HDAC9: variants seen among roughly 807,000 people sequenced by gnomAD.
HDAC9 encodes MEF-2 interacting transcription repressor (MITR) protein.
HDAC9 carries 41 observed loss-of-function variants against 139.4 expected under a neutral mutation model. The observed-to-expected ratio is 0.29, with a 90% CI of 0.23 to 0.38. HDAC9 has a LOEUF of 0.38. Among genes scored for constraint, HDAC9 ranks in the 10% least tolerant of loss-of-function variants. HDAC9 has a pLI of 1.00. For synonymous variants in HDAC9, 517 were observed against 476.2 expected (o/e 1.09, Z -1.12); for missense variants, 1,147 against 1,297.0 (o/e 0.88, Z 1.78).
chr7:18,322,918 G>T (rs745973723), intron 1 of HDAC9, among the ~76,000 whole-genome samples: 4 of 152,160 alleles, frequency 2.6e-5, no homozygotes, highest in Non-Finnish European at 5.9e-5. Flanking sequence ...GGGCTGGGAA[G>T]TTGGCTTGGG....
intron 1 of HDAC9, among the ~76,000 whole-genome samples, chr7:18,136,480 A>G (rs1278222349): frequency 2.6e-5 from 4 of 152,266 alleles, no homozygotes; most frequent in East Asian, 3.9e-4. Context: ...TGATTTTTGT[A>G]TAAGGTGGAA....
chr7:18,956,245 C>T (rs1344268677), intron 24 of HDAC9, among the ~76,000 whole-genome samples: 2 of 152,106 alleles, frequency 1.3e-5, no homozygotes, highest in Admixed American at 1.3e-4. Flanking sequence ...ATGAGTACCC[C>T]ACCCAGCTTG....
chr7:18,901,745 T>A (rs954303234), intron 22 of HDAC9, among the ~76,000 whole-genome samples: 1 of 152,126 alleles, frequency 6.6e-6, no homozygotes, highest in Non-Finnish European at 1.5e-5. Flanking sequence ...TCATAACTTA[T>A]CTTATTTAAT....
At chr7:18,933,693 C>G (rs779074077) in intron 22 of HDAC9, among the ~76,000 whole-genome samples, 2 of 151,854 alleles carry the variant, frequency 1.3e-5, no homozygotes, top group East Asian at 1.9e-4. Flanking sequence ...TCAGCAGAAA[C>G]AACAGAGAGC....
chr7:18,352,634 G>A (rs1782936554), intron 1 of HDAC9, among the ~76,000 whole-genome samples: 1 of 151,952 alleles, frequency 6.6e-6, no homozygotes, highest in Non-Finnish European at 1.5e-5. Context: ...CAAAGGGAAC[G>A]TAAAGGTGAA....
chr7:18,170,798 G>T (rs6958800), intron 2 of HDAC9, among the ~76,000 whole-genome samples: 1,542 of 152,190 alleles, frequency 0.01, 28 homozygotes, highest in African/African-American at 0.035. Context: ...CTGTTCCATT[G>T]TTCTATATCT....
intron 1 of HDAC9, among the ~76,000 whole-genome samples, chr7:18,302,746 G>A (rs996442170): frequency 6.6e-6 from 1 of 152,168 alleles, no homozygotes. Flanking sequence ...AAACCTTCTA[G>A]AAGGCATAGA....
intron 1 of HDAC9, among the ~76,000 whole-genome samples, chr7:18,422,905 G>A (rs1789774553): frequency 6.6e-6 from 1 of 152,114 alleles, no homozygotes; most frequent in South Asian, 2.1e-4. Context: ...TTTGCATATG[G>A]AGAGGTTAGG....
intron 8 of HDAC9, among the ~76,000 whole-genome samples, chr7:18,636,094 G>A (rs1056757054): frequency 1.3e-5 from 2 of 152,030 alleles, no homozygotes; most frequent in Non-Finnish European, 2.9e-5. Context: ...TTTGCTCTAG[G>A]CACATTTGCA....
intron 22 of HDAC9, among the ~76,000 whole-genome samples, chr7:18,924,776 G>T (rs938310344): frequency 6.6e-6 from 1 of 152,050 alleles, no homozygotes; most frequent in Non-Finnish European, 1.5e-5. Context: ...TTGTGTGTCA[G>T]GTACTATGCT....
At chr7:18,858,427 A>C (rs1415558749) in intron 21 of HDAC9, among the ~76,000 whole-genome samples, 1 of 152,066 alleles carries the variant, frequency 6.6e-6, no homozygotes, top group Admixed American at 6.6e-5. Flanking sequence ...CCCTTATAAA[A>C]CCGTCAGCTC....
chr7:18,883,163 T>A (rs572344791), intron 22 of HDAC9, among the ~76,000 whole-genome samples: 164 of 152,286 alleles, frequency 1.1e-3, no homozygotes, highest in African/African-American at 3.9e-3. Context: ...GTTCTGCTCT[T>A]AACATTATGA....
At chr7:18,908,341 TATTAA>T (rs908214917) in intron 22 of HDAC9, among the ~76,000 whole-genome samples, 15 of 152,142 alleles carry the variant, frequency 9.9e-5, no homozygotes, top group Non-Finnish European at 1.6e-4. Flanking sequence ...AATGTGTGAT[TATTAA>T]ATTAACATAT....
intron 1 of HDAC9, among the ~76,000 whole-genome samples, chr7:18,309,063 A>G (rs552818651): frequency 2.4e-4 from 36 of 151,502 alleles, no homozygotes; most frequent in African/African-American, 8.7e-4. Context: ...AAGTCAATCC[A>G]TATTACCCAC....
chr7:18,239,557 G>A (rs936667615), intron 2 of HDAC9, among the ~76,000 whole-genome samples: 5 of 152,228 alleles, frequency 3.3e-5, no homozygotes, highest in East Asian at 3.9e-4. Context: ...GTAGATCAGC[G>A]TCATTGACAA....
At chr7:18,702,151 A>G (rs2129105631) in intron 12 of HDAC9, among the ~76,000 whole-genome samples, 1 of 152,288 alleles carries the variant, frequency 6.6e-6, no homozygotes, top group East Asian at 1.9e-4. Context: ...GTGAAAAGGG[A>G]CAGGCTGTCG....
At chr7:18,691,120 G>A (rs930135754) in intron 12 of HDAC9, among the ~76,000 whole-genome samples, 17 of 151,932 alleles carry the variant, frequency 1.1e-4, no homozygotes, top group Admixed American at 9.9e-4. Flanking sequence ...TCTTAACTCT[G>A]AATGAAACCC....
intron 2 of HDAC9, among the ~76,000 whole-genome samples, chr7:18,234,996 G>A (rs1209681956): frequency 1.3e-5 from 2 of 152,076 alleles, no homozygotes; most frequent in Non-Finnish European, 2.9e-5. Context: ...TCCCCCCAGA[G>A]CTTGTGAAAA....
At chr7:18,152,621 C>G (rs966758341) in intron 1 of HDAC9, among the ~76,000 whole-genome samples, 2 of 152,136 alleles carry the variant, frequency 1.3e-5, no homozygotes, top group Admixed American at 6.6e-5. Context: ...GGACTGTACT[C>G]TGAGAAATCA....
Sources: gnomAD v4.1 joint callset for allele counts (sites outside exome capture counted in the v4.1 genomes callset) on GRCh38, gnomAD v4.1.1 for gene constraint, MANE v1.5 for transcripts, NCBI Gene and HGNC (gene_info 2026-07-23, HGNC 2026-07-21) for gene names.